Variants in HELT observed in about 807,000 individuals in gnomAD.
HELT encodes the protein helt bHLH transcription factor, also known as hairy and enhancer of split-related protein HELT.
In HELT, 9 loss-of-function variants were observed where a neutral mutation model predicts 19.5. The ratio of observed to expected loss-of-function variants is 0.46; its 90% CI spans 0.28 to 0.80. The LOEUF (loss-of-function observed/expected upper bound fraction) is 0.80, where lower values mean the gene tolerates loss of function less well. Ranked by LOEUF, HELT falls within the 30% of genes least tolerant of loss-of-function variation. The pLI, the probability that HELT is intolerant of heterozygous loss-of-function variation, is 0.12. For missense variants in HELT, 366 were observed against 326.3 expected (o/e 1.12, Z -0.94); for synonymous variants, 162 against 148.3 (o/e 1.09, Z -0.67).
At position 185,020,337 on chromosome 4, in the gene HELT, G is replaced by A. The variant is rs765717459; in HGVS notation, c.294G>A (p.Leu98=). Reference sequence around the variant, plus strand: ...GCTACCACGAGTGCATGAAGAACCTGGTGCATTACCTCACCACGGTGGAGC... The same window carrying A: ...GCTACCACGAGTGCATGAAGAACCTAGTGCATTACCTCACCACGGTGGAGC... The part of the protein sequence containing the change: ...HYGYHECMKN[L]VHYLTTVERM... The change falls in exon 4 of 4, where the codon CTG becomes CTA. Residue 98 remains leucine, a synonymous_variant. Coordinates refer to ENST00000515777, the MANE Select transcript of HELT (RefSeq NM_001300781.2). 6.2e-7 allele frequency: 1 copy of A among 1,614,212 alleles called. No homozygotes were observed. The highest frequency in any genetic ancestry group is 2.2e-5 in the East Asian group (1 of 44,874).
At position 185,020,334 on chromosome 4, in the gene HELT, C is replaced by T. The variant is rs780511980; in HGVS notation, c.291C>T (p.Asn97=). 11 of 1,614,216 alleles carry T rather than the reference C, an allele frequency of 6.8e-6. No individual in the cohort carries two copies. Among genetic ancestry groups the T allele is most frequent in the Non-Finnish European group, 9.3e-6 (11 of 1,180,030 alleles). ...FHYGYHECMK[N]LVHYLTTVER... ...ATGGCTACCACGAGTGCATGAAGAA[C>T]CTGGTGCATTACCTCACCACGGTGG... The change falls in exon 4 of 4, where the codon AAC becomes AAT. Residue 97 remains asparagine, a synonymous_variant. Coordinates refer to ENST00000515777, the MANE Select transcript of HELT (RefSeq NM_001300781.2).
At chr4:185,019,161 A>G (rs917807319) in intron 1 of HELT, 3 of 1,509,452 alleles carry the variant, frequency 2.0e-6, no homozygotes, top group Non-Finnish European at 2.7e-6. Flanking sequence ...GCTGGCGGCC[A>G]CCTCCCCAAA....
chr4:185,018,723 C>A lies in HELT; in HGVS notation c.-206C>A. The A allele has an allele frequency of 2.3e-6, 1 of 440,064 alleles. No homozygotes were observed. Among genetic ancestry groups the A allele is most frequent in the Non-Finnish European group, 4.0e-6 (1 of 252,776 alleles). 27.3% of individuals were successfully genotyped at this position (440,064 alleles called of 1,614,324 possible). On this transcript the variant is annotated 5_prime_UTR_variant, in exon 1 of 4. Coordinates refer to ENST00000515777, the MANE Select transcript of HELT (RefSeq NM_001300781.2). ...ACTTCTTTAAAACTGATCTTGAATGCATACATCCTCCAAACGCAGCTCCCC... is the reference window on the plus strand; with the variant it reads ...ACTTCTTTAAAACTGATCTTGAATGAATACATCCTCCAAACGCAGCTCCCC...
rs760440459 is a variant in HELT at position 185,020,465 on chromosome 4, C to T, written c.422C>T (p.Pro141Leu). 16 of 1,613,784 alleles carry T rather than the reference C, an allele frequency of 9.9e-6. No homozygotes were observed. Among genetic ancestry groups the T allele is most frequent in the Non-Finnish European group, 1.3e-5 (15 of 1,180,034 alleles). Residue 141 changes from proline (P) to leucine (L), a missense_variant, in exon 4 of 4, where the codon CCG (proline) becomes CTG (leucine). By Grantham distance (98) the Pro-to-Leu change is moderately conservative. Coordinates refer to ENST00000515777, the MANE Select transcript of HELT (RefSeq NM_001300781.2). ...GCCTTTCCGCCGCTGGGTTCGCTCC[C>T]GGAGCCGGATTTCTCCTATCAGCTG... ...EPAFPPLGSLPEPDFSYQLHP... is the reference protein window; with the variant it reads ...EPAFPPLGSLLEPDFSYQLHP...
rs113434704 is a variant in HELT, at chr4:185,018,985, C to G, written c.27+30C>G. 3.7e-5 allele frequency: 60 copies of G among 1,613,894 alleles called. No individual in the cohort carries two copies. In the African/African-American group the frequency reaches 5.1e-4, roughly 14 times the overall value. On this transcript the variant is annotated intron_variant, in intron 1 of 3. Transcript: ENST00000515777. ...GTCGGCTGAGCCCAAATGGCACTTG[C>G]GCCCTGGTGGTGGAGGCATCTGACT...
intron 3 of HELT, 34 bp downstream of exon 3, chr4:185,019,877 C>T: frequency 1.9e-6 from 3 of 1,576,870 alleles, no homozygotes; most frequent in Non-Finnish European, 2.6e-6. Flanking sequence ...ACGCCTGGGC[C>T]AGGCGCCTGC....
In HELT at chr4:185,020,456, G is replaced by A; in HGVS notation, c.413G>A (p.Gly138Asp). Residue 138 changes from glycine to aspartate, a missense_variant, in exon 4 of 4, where the codon GGT (glycine) becomes GAT (aspartate). By Grantham distance (94) the Gly-to-Asp change is moderately conservative. Coordinates refer to ENST00000515777, the MANE Select transcript of HELT (RefSeq NM_001300781.2). ...LGAEPAFPPL[G>D]SLPEPDFSYQ... The stretch of plus-strand genomic sequence containing the variant: ...GCGGAGCCCGCCTTTCCGCCGCTGG[G>A]TTCGCTCCCGGAGCCGGATTTCTCC... The A allele has an allele frequency of 6.2e-7, 1 of 1,613,928 alleles. No individual in the cohort carries two copies. Among genetic ancestry groups the A allele is most frequent in the Non-Finnish European group, 8.5e-7 (1 of 1,180,030 alleles).
chr4:185,019,816 G>C lies in HELT; in HGVS notation c.202G>C (p.Ala68Pro), dbSNP rs538685547. ...TCAGTACCTGAGAGCACTGCACTCC[G>C]CTGATTTTCCCCGGGGAAGGGAAAA... ...TVQYLRALHS[A>P]DFPRGREKAE... is the part of the protein sequence containing the mutation. Residue 68 changes from alanine (A) to proline (P), a missense_variant, in exon 3 of 4, where the codon GCT becomes CCT. Ala to Pro is a conservative substitution (Grantham distance 27, BLOSUM62 -1). Coordinates refer to ENST00000515777, the MANE Select transcript of HELT (RefSeq NM_001300781.2). 2.7e-5 allele frequency: 44 copies of C among 1,613,706 alleles called. No individual in the cohort carries two copies. The highest frequency in any genetic ancestry group is 3.5e-5 in the Non-Finnish European group (41 of 1,179,956).
Position 185,020,718 on chromosome 4 carries a change from C to A in HELT, c.675C>A (p.His225Gln). 1.9e-6 allele frequency: 3 copies of A among 1,593,678 alleles called. No individual in the cohort carries two copies. Among genetic ancestry groups the A allele is most frequent in the Non-Finnish European group, 2.6e-6 (3 of 1,175,196 alleles). Reference protein sequence around the residue: ...LDRHYLNLIGHAHPNALNLHT... With the variant: ...LDRHYLNLIGQAHPNALNLHT... ...GGCATTACCTCAACCTGATCGGCCA[C>A]GCGCACCCCAACGCCCTTAACCTGC... The change falls in exon 4 of 4, where the codon CAC becomes CAA. Residue 225 changes from histidine to glutamine, a missense_variant. Coordinates refer to ENST00000515777, the MANE Select transcript of HELT (RefSeq NM_001300781.2).
intron 1 of HELT, 103 bp downstream of exon 1, chr4:185,019,058 G>T (rs758334326): frequency 1.2e-6 from 2 of 1,613,570 alleles, no homozygotes; most frequent in Non-Finnish European, 1.7e-6. Flanking sequence ...GTGCCCGCAC[G>T]GGACTTTGAG....
chr4:185,019,654 C>T, intron 2 of HELT, 93 bp from the exon 3 acceptor site: 1 of 1,608,286 alleles, frequency 6.2e-7, no homozygotes, highest in South Asian at 1.1e-5. Flanking sequence ...GGCGCAGATC[C>T]GCAGCCGCGT....
chr4:185,020,221 G>C (rs1473761163), intron 3 of HELT, 52 bp from the exon 4 acceptor site: 1 of 1,579,842 alleles, frequency 6.3e-7, no homozygotes, highest in Non-Finnish European at 8.6e-7. Flanking sequence ...GGCTCGCGTG[G>C]GGAAGGGGCA....
Position 185,019,798 on chromosome 4 carries a change from C to G in HELT, c.184C>G (p.Leu62Val), listed in dbSNP as rs1078461. 0.11 allele frequency: 171,158 copies of G among 1,613,614 alleles called. 9,574 individuals are homozygous for G. The highest frequency in any genetic ancestry group is 0.18 in the East Asian group (7,919 of 44,858). The change falls in exon 3 of 4, where the codon CTG becomes GTG. Residue 62 changes from leucine (L) to valine (V), a missense_variant. By Grantham distance (32) the Leu-to-Val change is conservative. Coordinates refer to ENST00000515777, the MANE Select transcript of HELT (RefSeq NM_001300781.2). ...GATCCTCGAGATGACCGTTCAGTAC[C>G]TGAGAGCACTGCACTCCGCTGATTT... ...AEILEMTVQY[L>V]RALHSADFPR...
chr4:185,019,595 C>A (rs757242011), intron 2 of HELT, 104 bp downstream of exon 2: 1 of 1,563,432 alleles, frequency 6.4e-7, no homozygotes, highest in Non-Finnish European at 8.7e-7. Flanking sequence ...CACTTGCGGG[C>A]CCCTCCCAGG....
chr4:185,020,039 G>A (rs560444687), intron 3 of HELT, among the ~76,000 whole-genome samples, 196 bp downstream of exon 3: 298 of 151,734 alleles, frequency 2.0e-3, no homozygotes, highest in African/African-American at 6.9e-3. Context: ...GGTTCCCAGG[G>A]AGGCTGGTTC....
Position 185,020,622 on chromosome 4 carries a change from C to A in HELT, c.579C>A (p.Ser193Arg), listed in dbSNP as rs764420239. 10 of 1,601,416 alleles carry A rather than the reference C, an allele frequency of 6.2e-6. No homozygotes were observed. The Admixed American group carries it at 6.7e-5, about 11-fold the overall frequency. The change falls in exon 4 of 4, where the codon AGC becomes AGA. Residue 193 changes from serine to arginine, a missense_variant. Physicochemically the swap from Ser to Arg is moderately radical, Grantham distance 110. Transcript: ENST00000515777. ...ARSPALPYLP[S>R]APVPLASPAQ... ...GCCCCGCGCTGCCCTACCTGCCCAG[C>A]GCGCCAGTGCCGCTCGCTAGCCCAG... is the stretch of plus-strand genomic sequence containing the variant.
chr4:185,019,198 A>G, intron 1 of HELT, 189 bp from the exon 2 acceptor site: 1 of 1,363,440 alleles, frequency 7.3e-7, no homozygotes, highest in Non-Finnish European at 9.9e-7. Flanking sequence ...CTGGAAGGGG[A>G]GCGCGCCAGC....
chr4:185,019,686 C>A (rs1734000866), intron 2 of HELT, 61 bp from the exon 3 acceptor site: 1 of 1,611,270 alleles, frequency 6.2e-7, no homozygotes, highest in Non-Finnish European at 8.5e-7. Flanking sequence ...TCCTCTCCAG[C>A]GCCACAGTGC....
At position 185,020,299 on chromosome 4, in the gene HELT, T is replaced by C. The variant is rs1355917106; in HGVS notation, c.256T>C (p.Tyr86His). 2 of 1,613,810 alleles carry C rather than the reference T, an allele frequency of 1.2e-6. No homozygotes were observed. The highest frequency in any genetic ancestry group is 1.7e-6 in the Non-Finnish European group (2 of 1,179,814). ...AGAACTTCTAGCGGAGTTTGCCAACTACTTCCACTATGGCTACCACGAGTG... is the reference window on the plus strand; with the variant it reads ...AGAACTTCTAGCGGAGTTTGCCAACCACTTCCACTATGGCTACCACGAGTG... ...KAELLAEFAN[Y>H]FHYGYHECMK... The change falls in exon 4 of 4, where the codon TAC (tyrosine) becomes CAC (histidine). Residue 86 changes from tyrosine (Y) to histidine (H), a missense_variant. By Grantham distance (83) the Tyr-to-His change is moderately conservative. Coordinates refer to ENST00000515777, the MANE Select transcript of HELT (RefSeq NM_001300781.2).
Sources: gnomAD v4.1 joint callset for allele counts (sites outside exome capture counted in the v4.1 genomes callset) on GRCh38, gnomAD v4.1.1 for gene constraint, MANE v1.5 for transcripts, NCBI Gene and HGNC (gene_info 2026-07-23, HGNC 2026-07-21) for gene names.